SHB: variants seen among roughly 807,000 people sequenced by gnomAD.
The protein encoded by SHB is SH2 domain-containing adapter protein B.
A neutral mutation model predicts 52.3 loss-of-function variants in SHB; 20 were observed. The observed-to-expected ratio is 0.38, with a 90% CI of 0.27 to 0.56. The LOEUF is 0.56. Ranked by LOEUF, SHB falls within the 20% of genes least tolerant of loss-of-function variation. The probability of loss-of-function intolerance (pLI) is 0.71; values close to 1 mark genes in which losing one functional copy is unlikely to be tolerated. For missense variants in SHB, 825 were observed against 723.3 expected (o/e 1.14, Z -1.61); for synonymous variants, 397 against 316.5 (o/e 1.25, Z -2.70).
At chr9:38,057,712 G>T (rs1821839409) in intron 1 of SHB, among the ~76,000 whole-genome samples, 1 of 152,214 alleles carries the variant, frequency 6.6e-6, no homozygotes, top group African/African-American at 2.4e-5. Context: ...TCACTGTTAA[G>T]AACTTTCTGA....
Position 37,958,752 on chromosome 9 carries a change from G to C in SHB, c.1055-2698C>G, listed in dbSNP as rs1477491031. Among the ~76,000 whole-genome samples the C allele has an allele frequency of 2.6e-5, 4 of 152,290 alleles. No homozygotes were observed. In the East Asian group the frequency reaches 7.7e-4, roughly 29 times the overall value. On this transcript the variant is annotated intron_variant, in intron 3 of 5. Transcript: ENST00000377707. Reference sequence around the variant, plus strand: ...GGCCCTAGCACACACATCACCACCAGCATCTACCCCTCGCTGGCCTTCCAG... The same window carrying C: ...GGCCCTAGCACACACATCACCACCACCATCTACCCCTCGCTGGCCTTCCAG...
chr9:38,029,223 G>T (rs572065262), intron 1 of SHB, among the ~76,000 whole-genome samples: 1 of 152,330 alleles, frequency 6.6e-6, no homozygotes, highest in East Asian at 1.9e-4. Flanking sequence ...GTGAGTAAAT[G>T]CTGGGGGAGT....
chr9:38,040,167 G>A lies in SHB; in HGVS notation c.718-24036C>T, dbSNP rs940450525. The stretch of plus-strand genomic sequence containing the variant: ...CTCCTTCCAAGGCTCAGAACTCACC[G>A]TCCATGGCAGCTGAACATTAGGTTC... On this transcript the variant is annotated intron_variant, in intron 1 of 5. Transcript: ENST00000377707. Among the ~76,000 whole-genome samples, 5 of 152,204 alleles carry A rather than the reference G, an allele frequency of 3.3e-5. No homozygotes were observed. In the South Asian group the frequency reaches 6.2e-4, roughly 19 times the overall value.
At chr9:37,979,128 C>G (rs187844488) in intron 2 of SHB, among the ~76,000 whole-genome samples, 1 of 152,296 alleles carries the variant, frequency 6.6e-6, no homozygotes, top group African/African-American at 2.4e-5. Context: ...GTCCAGAGAC[C>G]GATCTCACAA....
At chr9:38,051,983 C>T (rs147919163) in intron 1 of SHB, among the ~76,000 whole-genome samples, 3 of 152,330 alleles carry the variant, frequency 2.0e-5, no homozygotes, top group Non-Finnish European at 2.9e-5. Context: ...CAGCATCCCG[C>T]GTTGGCTCAG....
intron 1 of SHB, among the ~76,000 whole-genome samples, chr9:38,025,723 T>A (rs1821333022): frequency 6.6e-6 from 1 of 152,208 alleles, no homozygotes; most frequent in Non-Finnish European, 1.5e-5. Flanking sequence ...CAGCAAGTGC[T>A]CAGTGTCAGG....
intron 2 of SHB, among the ~76,000 whole-genome samples, chr9:37,997,564 T>C (rs10973636): frequency 0.43 from 64,997 of 152,070 alleles, 14,282 homozygotes; most frequent in Middle Eastern, 0.51. Flanking sequence ...CCACTGGGGC[T>C]TGGATCTCAT....
At chr9:37,979,243 T>C (rs1820692721) in intron 2 of SHB, among the ~76,000 whole-genome samples, 1 of 152,262 alleles carries the variant, frequency 6.6e-6, no homozygotes, top group Admixed American at 6.5e-5. Context: ...TGTAATTTCA[T>C]GCCTCTTAGG....
intron 2 of SHB, among the ~76,000 whole-genome samples, chr9:37,976,369 G>A (rs1564092581): frequency 6.6e-6 from 1 of 152,160 alleles, no homozygotes; most frequent in Non-Finnish European, 1.5e-5. Context: ...TTAACGTACA[G>A]TTCAGTGGCA....
At chr9:37,936,485 C>T (rs1832373373) in intron 5 of SHB, among the ~76,000 whole-genome samples, 2 of 152,090 alleles carry the variant, frequency 1.3e-5, no homozygotes, top group South Asian at 4.2e-4. Context: ...GATTACTTTT[C>T]TCCCAAATAT....
chr9:38,016,782 C>A (rs1465429714), intron 1 of SHB, among the ~76,000 whole-genome samples: 2 of 152,186 alleles, frequency 1.3e-5, no homozygotes, highest in Non-Finnish European at 2.9e-5. Flanking sequence ...CCCAAAGACC[C>A]CTCGACAACA....
At chr9:38,037,057 C>T (rs191053888) in intron 1 of SHB, among the ~76,000 whole-genome samples, 177 of 152,342 alleles carry the variant, frequency 1.2e-3, no homozygotes, top group Non-Finnish European at 2.1e-3. Flanking sequence ...GACCCCGCAG[C>T]ACGGGAGCTG....
chr9:37,919,824 C>G lies in SHB; in HGVS notation c.1527G>C (p.Leu509=), dbSNP rs1832154488. 1 of 1,613,056 alleles carries G rather than the reference C, an allele frequency of 6.2e-7. No individual in the cohort carries two copies. Among genetic ancestry groups the G allele is most frequent in the Admixed American group, 1.7e-5 (1 of 60,004 alleles). Residue 509 remains leucine, a synonymous_variant, in exon 6 of 6, where the codon CTG becomes CTC. Coordinates refer to ENST00000377707, the MANE Select transcript of SHB (RefSeq NM_003028.3). The part of the protein sequence containing the change: ...SLLYPVAVRT[L] The stretch of plus-strand genomic sequence containing the variant: ...GAGCAGGGCAGGTCTGGTCCGCTCA[C>G]AGGGTCCTCACAGCCACGGGATAGA...
chr9:38,020,798 C>T (rs1361540920), intron 1 of SHB, among the ~76,000 whole-genome samples: 1 of 152,216 alleles, frequency 6.6e-6, no homozygotes, highest in African/African-American at 2.4e-5. Context: ...TCTGCCCTGT[C>T]ACCACCCTGA....
At chr9:37,931,793 T>C (rs1832313942) in intron 5 of SHB, among the ~76,000 whole-genome samples, 1 of 152,204 alleles carries the variant, frequency 6.6e-6, no homozygotes, top group African/African-American at 2.4e-5. Context: ...CTGCACTCCA[T>C]GTTTACAGCA....
intron 1 of SHB, among the ~76,000 whole-genome samples, chr9:38,022,836 C>T (rs760602853): frequency 2.0e-5 from 3 of 152,190 alleles, no homozygotes; most frequent in African/African-American, 4.8e-5. Flanking sequence ...GGAAAGACAT[C>T]GACAGCCAGT....
chr9:37,985,826 C>T (rs1018350445), intron 2 of SHB, among the ~76,000 whole-genome samples: 2 of 146,952 alleles, frequency 1.4e-5, no homozygotes, highest in East Asian at 4.1e-4. Flanking sequence ...GGGACACCAC[C>T]GTCTGTAAGC....
intron 1 of SHB, among the ~76,000 whole-genome samples, chr9:38,037,034 G>C (rs1165235290): frequency 6.6e-6 from 1 of 152,200 alleles, no homozygotes; most frequent in African/African-American, 2.4e-5. Flanking sequence ...GAGAGAGCAA[G>C]GGACTGGTGC....
At chr9:37,989,281 T>C (rs1820851208) in intron 2 of SHB, among the ~76,000 whole-genome samples, 1 of 152,136 alleles carries the variant, frequency 6.6e-6, no homozygotes, top group South Asian at 2.1e-4. Flanking sequence ...AGGAATTATC[T>C]TTATCACAAT....
Sources: gnomAD v4.1 joint callset for allele counts (sites outside exome capture counted in the v4.1 genomes callset) on GRCh38, gnomAD v4.1.1 for gene constraint, MANE v1.5 for transcripts, NCBI Gene and HGNC (gene_info 2026-07-23, HGNC 2026-07-21) for gene names.